CCDC171: variants seen among roughly 807,000 people sequenced by gnomAD.
CCDC171 encodes the protein coiled-coil domain containing 171.
In CCDC171, 177 loss-of-function variants were observed where a neutral mutation model predicts 168.2. The ratio of observed to expected loss-of-function variants is 1.05; its 90% CI spans 0.93 to 1.19. CCDC171 has a LOEUF of 1.19. Among genes scored for constraint, CCDC171 ranks in the 50% most tolerant of loss-of-function variants. The pLI is 0.00. For synonymous variants in CCDC171, 687 were observed against 540.8 expected, an observed-to-expected ratio of 1.27 and a Z score of -3.75; for missense variants, 1,991 against 1,539.0, an observed-to-expected ratio of 1.29 and a Z score of -4.91.
chr9:15,832,121 T>C (rs1010176217), intron 21 of CCDC171, among the ~76,000 whole-genome samples: 1 of 152,212 alleles, frequency 6.6e-6, no homozygotes, highest in Non-Finnish European at 1.5e-5. Flanking sequence ...TTTCTTTTTG[T>C]TTTAAAGTCA....
At chr9:15,720,578 T>G (rs1030761650) in intron 11 of CCDC171, among the ~76,000 whole-genome samples, 1 of 152,192 alleles carries the variant, frequency 6.6e-6, no homozygotes, top group Admixed American at 6.5e-5. Flanking sequence ...TAAAATATGA[T>G]GAGAAGAAAT....
intron 4 of CCDC171, among the ~76,000 whole-genome samples, chr9:15,590,963 C>T (rs973120665): frequency 6.6e-6 from 1 of 151,882 alleles, no homozygotes; most frequent in Non-Finnish European, 1.5e-5. Flanking sequence ...GATCCTCCCG[C>T]CTCAGCCTCC....
chr9:15,957,331 G>A (rs1169827359), intron 25 of CCDC171, among the ~76,000 whole-genome samples: 3 of 152,156 alleles, frequency 2.0e-5, no homozygotes, highest in Non-Finnish European at 4.4e-5. Context: ...GAATGTCAGC[G>A]AAAGCCAGTC....
intron 24 of CCDC171, among the ~76,000 whole-genome samples, chr9:15,900,938 T>C (rs1009747005): frequency 6.6e-6 from 1 of 152,194 alleles, no homozygotes; most frequent in African/African-American, 2.4e-5. Context: ...CATCTACAGT[T>C]AGTCACCTGA....
chr9:15,728,928 T>A (rs918855179), intron 15 of CCDC171, among the ~76,000 whole-genome samples: 2 of 152,154 alleles, frequency 1.3e-5, no homozygotes, highest in African/African-American at 2.4e-5. Flanking sequence ...TATTGAGCAT[T>A]TTATCTTGGT....
At chr9:15,809,004 T>C (rs770357194) in intron 21 of CCDC171, among the ~76,000 whole-genome samples, 19 of 152,022 alleles carry the variant, frequency 1.2e-4, no homozygotes, top group Admixed American at 1.2e-3. Context: ...TCTAGGGAGC[T>C]CTTTGGGCCT....
chr9:16,095,977 T>C, the CCDC171 span, among the ~76,000 whole-genome samples: 1 of 151,170 alleles, frequency 6.6e-6, no homozygotes, highest in Admixed American at 6.6e-5. Context: ...ATTTGATAAA[T>C]ATAATCAAAT....
At chr9:15,850,748 G>A (rs369712911) in intron 23 of CCDC171, among the ~76,000 whole-genome samples, 16 of 151,818 alleles carry the variant, frequency 1.1e-4, no homozygotes, top group South Asian at 2.1e-4. Context: ...ACCTGTCTTC[G>A]TGCCAGAGTT....
chr9:15,988,683 G>T (rs892676679), intron 3 of CCDC171, among the ~76,000 whole-genome samples: 7 of 152,196 alleles, frequency 4.6e-5, no homozygotes, highest in African/African-American at 1.7e-4. Flanking sequence ...TCCTAGCCAA[G>T]GGAAGCTGTG....
At chr9:15,634,755 C>G (rs901727733) in intron 7 of CCDC171, among the ~76,000 whole-genome samples, 1 of 152,156 alleles carries the variant, frequency 6.6e-6, no homozygotes, top group Non-Finnish European at 1.5e-5. Flanking sequence ...CATTTTGGAA[C>G]ATTTTCATCA....
intron 3 of CCDC171, among the ~76,000 whole-genome samples, chr9:16,012,242 C>A (rs574406449): frequency 6.6e-6 from 1 of 152,242 alleles, no homozygotes; most frequent in Admixed American, 6.5e-5. Context: ...ATGAATGTGG[C>A]CTGTCTTTTT....
At chr9:16,009,889 G>A (rs1397703562) in intron 3 of CCDC171, among the ~76,000 whole-genome samples, 1 of 152,128 alleles carries the variant, frequency 6.6e-6, no homozygotes, top group Admixed American at 6.5e-5. Context: ...AATAATCTCT[G>A]AGATCTAAAA....
intron 1 of CCDC171, among the ~76,000 whole-genome samples, chr9:16,046,950 C>T (rs1833671887): frequency 6.6e-6 from 1 of 152,276 alleles, no homozygotes; most frequent in African/African-American, 2.4e-5. Flanking sequence ...ACTCTCCTTC[C>T]CTCCCTTCAC....
Position 15,909,191 on chromosome 9 carries a change from CCTT to C in CCDC171, c.3601-11076_3601-11074del, listed in dbSNP as rs935504971. 9.2e-5 allele frequency among the ~76,000 whole-genome samples: 14 copies of C among 152,272 alleles called. No homozygotes were observed. The South Asian group carries it at 1.9e-3, about 20-fold the overall frequency. On this transcript the variant is annotated intron_variant, in intron 24 of 25. Coordinates refer to ENST00000380701, the MANE Select transcript of CCDC171 (RefSeq NM_173550.4). Reference sequence around the variant, plus strand: ...GGCTATTAATAAAGCAAGGCTAAGGCCTTCTACCCCGTCTCCTACCTGTTTATG... The same window carrying C: ...GGCTATTAATAAAGCAAGGCTAAGGCCTACCCCGTCTCCTACCTGTTTATG...
intron 3 of CCDC171, among the ~76,000 whole-genome samples, chr9:16,013,564 A>G (rs759675801): frequency 6.6e-6 from 1 of 152,214 alleles, no homozygotes; most frequent in African/African-American, 2.4e-5. Flanking sequence ...GCAGGCTCCA[A>G]TGCCTACGGG....
At chr9:15,697,263 T>A (rs546937787) in intron 11 of CCDC171, among the ~76,000 whole-genome samples, 45 of 152,324 alleles carry the variant, frequency 3.0e-4, no homozygotes, top group African/African-American at 1.1e-3. Context: ...TGGCTGTGGC[T>A]CTTGTTAGAC....
the CCDC171 span, among the ~76,000 whole-genome samples, chr9:16,080,416 C>G: frequency 2.0e-5 from 3 of 152,040 alleles, no homozygotes; most frequent in Non-Finnish European, 4.4e-5. Context: ...GCCCATAGTT[C>G]TTTTTTATTT....
intron 7 of CCDC171, among the ~76,000 whole-genome samples, chr9:15,655,300 A>G (rs757454182): frequency 3.3e-5 from 5 of 152,032 alleles, no homozygotes; most frequent in East Asian, 1.9e-4. Flanking sequence ...TTCTGTCCCT[A>G]TTGAACTACC....
intron 11 of CCDC171, among the ~76,000 whole-genome samples, chr9:15,704,096 C>T (rs1281321463): frequency 6.6e-6 from 1 of 152,150 alleles, no homozygotes; most frequent in Non-Finnish European, 1.5e-5. Flanking sequence ...GTAAAAATCG[C>T]AATACCTGTG....
Sources: gnomAD v4.1 joint callset for allele counts (sites outside exome capture counted in the v4.1 genomes callset) on GRCh38, gnomAD v4.1.1 for gene constraint, MANE v1.5 for transcripts, NCBI Gene and HGNC (gene_info 2026-07-23, HGNC 2026-07-21) for gene names.